The following RFX4 variants were observed in gnomAD, a reference collection of about 807,000 sequenced individuals.
RFX4 encodes the protein transcription factor RFX4.
In RFX4, 10 loss-of-function variants were observed where a neutral mutation model predicts 95.0. The ratio of observed to expected loss-of-function variants is 0.11; its 90% CI spans 0.06 to 0.18. The LOEUF (loss-of-function observed/expected upper bound fraction) is 0.18, where lower values mean the gene tolerates loss of function less well. Among genes scored for constraint, RFX4 ranks in the 10% least tolerant of loss-of-function variants. RFX4 has a pLI of 1.00. For missense variants in RFX4, 640 were observed against 922.0 expected (o/e 0.69, Z 3.96); for synonymous variants, 321 against 340.7 (o/e 0.94, Z 0.64).
At chr12:106,616,021 C>T (rs1565951108) in intron 2 of RFX4, among the ~76,000 whole-genome samples, 3 of 152,142 alleles carry the variant, frequency 2.0e-5, no homozygotes, top group African/African-American at 7.2e-5. Flanking sequence ...TGATAGTGGA[C>T]ATCATTGCCT....
intron 2 of RFX4, among the ~76,000 whole-genome samples, chr12:106,620,363 G>T (rs1565952712): frequency 6.6e-6 from 1 of 152,156 alleles, no homozygotes; most frequent in Non-Finnish European, 1.5e-5. Context: ...CTGGGCCACT[G>T]GGGGTGACAT....
intron 3 of RFX4, among the ~76,000 whole-genome samples, chr12:106,641,275 C>T (rs1434865817): frequency 6.6e-6 from 1 of 152,234 alleles, no homozygotes; most frequent in Non-Finnish European, 1.5e-5. Flanking sequence ...AACTCTGCCA[C>T]TTACAAGCTG....
intron 2 of RFX4, among the ~76,000 whole-genome samples, chr12:106,617,970 A>G (rs982574048): frequency 1.2e-4 from 19 of 152,124 alleles, no homozygotes; most frequent in African/African-American, 4.3e-4. Context: ...CAAGTGATCC[A>G]CCTGCCTCAG....
chr12:106,644,790 T>C (rs373933915), intron 3 of RFX4, among the ~76,000 whole-genome samples: 12 of 152,326 alleles, frequency 7.9e-5, no homozygotes, highest in African/African-American at 2.9e-4. Context: ...AGGAACCTAA[T>C]GCTAGGACAA....
chr12:106,607,667 T>C (rs1257367805), intron 1 of RFX4, among the ~76,000 whole-genome samples: 2 of 152,180 alleles, frequency 1.3e-5, no homozygotes, highest in Non-Finnish European at 2.9e-5. Context: ...TATGCTCAAA[T>C]TGTTCCCAAA....
At chr12:106,617,164 T>C (rs193272462) in intron 2 of RFX4, among the ~76,000 whole-genome samples, 285 of 152,260 alleles carry the variant, frequency 1.9e-3, no homozygotes, top group African/African-American at 6.2e-3. Context: ...CTTGCCAGGG[T>C]TTATCAATTT....
intron 16 of RFX4, 81 bp from the exon 17 acceptor site, chr12:106,750,573 AT>A (rs1323197392): frequency 7.7e-7 from 1 of 1,294,454 alleles, no homozygotes; most frequent in African/African-American, 1.5e-5. Flanking sequence ...AGGAAAAAAA[AT>A]AGATGAGGTT....
rs961240810 is a variant in RFX4 at position 106,583,387 on chromosome 12, G to A, written c.43+24G>A. On this transcript the variant is annotated intron_variant, in intron 1 of 17. Transcript: ENST00000392842. ...AGGTTAGTCCTACTGGCGGGGTTGGGGGGATACATTGGGAGGGAAGGAGAA... is the reference window on the plus strand; with the variant it reads ...AGGTTAGTCCTACTGGCGGGGTTGGAGGGATACATTGGGAGGGAAGGAGAA... 6 of 1,552,448 alleles carry A rather than the reference G, an allele frequency of 3.9e-6. No homozygotes were observed. In the South Asian group the frequency reaches 6.2e-5, roughly 16 times the overall value.
At chr12:106,749,152 AG>A (rs2042951905) in intron 16 of RFX4, among the ~76,000 whole-genome samples, 2 of 150,780 alleles carry the variant, frequency 1.3e-5, no homozygotes. Flanking sequence ...GCTACTCAGG[AG>A]ACTGAGGCAG....
chr12:106,684,807 T>A, intron 5 of RFX4: 1 of 1,551,526 alleles, frequency 6.4e-7, no homozygotes, highest in Non-Finnish European at 8.7e-7. Flanking sequence ...ATAACCATAC[T>A]GGCAAAATGA....
At chr12:106,718,074 T>C (rs2042326717) in intron 11 of RFX4, among the ~76,000 whole-genome samples, 1 of 152,164 alleles carries the variant, frequency 6.6e-6, no homozygotes, top group South Asian at 2.1e-4. Context: ...TTAGAATGAG[T>C]TATAATTGTA....
chr12:106,621,510 C>T (rs1268430464), intron 2 of RFX4, among the ~76,000 whole-genome samples: 2 of 152,194 alleles, frequency 1.3e-5, no homozygotes, highest in Non-Finnish European at 2.9e-5. Context: ...TTTACTTTGA[C>T]CCAGCTTGGA....
At chr12:106,737,330 G>C (rs376582861) in intron 15 of RFX4, among the ~76,000 whole-genome samples, 1 of 151,538 alleles carries the variant, frequency 6.6e-6, no homozygotes, top group Non-Finnish European at 1.5e-5. Context: ...TCGGATAGGT[G>C]GTGATATAAT....
At chr12:106,614,031 C>T (rs1408611706) in intron 2 of RFX4, among the ~76,000 whole-genome samples, 1 of 152,182 alleles carries the variant, frequency 6.6e-6, no homozygotes, top group Non-Finnish European at 1.5e-5. Flanking sequence ...GATAGCCATT[C>T]CTTCTAATAT....
intron 2 of RFX4, among the ~76,000 whole-genome samples, chr12:106,637,551 T>C (rs1228480220): frequency 6.6e-6 from 1 of 152,252 alleles, no homozygotes; most frequent in African/African-American, 2.4e-5. Context: ...TTATTGATAA[T>C]ATTTGTAGGC....
At chr12:106,678,836 G>A (rs1377935325) in intron 4 of RFX4, among the ~76,000 whole-genome samples, 3 of 152,118 alleles carry the variant, frequency 2.0e-5, no homozygotes, top group African/African-American at 7.2e-5. Context: ...CATTTTTAAT[G>A]GCTATTTCAT....
At chr12:106,669,245 T>C (rs2041235284) in intron 4 of RFX4, among the ~76,000 whole-genome samples, 1 of 152,160 alleles carries the variant, frequency 6.6e-6, no homozygotes, top group South Asian at 2.1e-4. Context: ...CCACACTGGA[T>C]CCAGTGGTGG....
chr12:106,741,956 GGC>G (rs2042813321), intron 15 of RFX4, among the ~76,000 whole-genome samples: 1 of 152,176 alleles, frequency 6.6e-6, no homozygotes, highest in Non-Finnish European at 1.5e-5. Context: ...TCTGATAGGA[GGC>G]AGAGCTCAGG....
rs141516122 is a variant in RFX4, at chr12:106,693,276, C to T, written c.670-3007C>T. 575 of 215,356 alleles carry T rather than the reference C, an allele frequency of 2.7e-3. 5 individuals carry two copies. Among genetic ancestry groups the T allele is most frequent in the African/African-American group, 0.012 (522 of 42,796 alleles). The allele number at this position is 215,356 out of a possible 1,614,324, so 13.3% of individuals were successfully genotyped here. A position where few individuals can be genotyped will look rare whatever the true frequency, so the allele number is the denominator to read the frequency against. ...GGGATGTTAAAACTGGAGAATACATCTTCTACAAAAGCCACTCAGCAAACT... is the reference window on the plus strand; with the variant it reads ...GGGATGTTAAAACTGGAGAATACATTTTCTACAAAAGCCACTCAGCAAACT... On this transcript the variant is annotated intron_variant, in intron 7 of 17. Transcript: ENST00000392842.
Sources: allele counts gnomAD v4.1 joint callset (sites outside exome capture counted in the v4.1 genomes callset), GRCh38; gene constraint gnomAD v4.1.1; transcripts MANE v1.5; gene names NCBI Gene and HGNC (gene_info 2026-07-23, HGNC 2026-07-21).